PRKD3: variants seen among roughly 807,000 people sequenced by gnomAD.
PRKD3 encodes serine/threonine-protein kinase D3.
PRKD3 carries 47 observed loss-of-function variants against 99.2 expected under a neutral mutation model. The ratio of observed to expected loss-of-function variants is 0.47; its 90% confidence interval spans 0.38 to 0.60. PRKD3 has a LOEUF of 0.60. Among genes scored for constraint, PRKD3 ranks in the 20% least tolerant of loss-of-function variants. The probability of loss-of-function intolerance (pLI) is 0.00; values close to 1 mark genes in which losing one functional copy is unlikely to be tolerated. For synonymous variants in PRKD3, 392 were observed against 355.4 expected, an observed-to-expected ratio of 1.10 and a Z score of -1.16; for missense variants, 1,019 against 1,088.4, an observed-to-expected ratio of 0.94 and a Z score of 0.90.
At chr2:37,262,134 G>C (rs114556968) in intron 14 of PRKD3, among the ~76,000 whole-genome samples, 7 of 152,140 alleles carry the variant, frequency 4.6e-5, no homozygotes, top group Admixed American at 6.6e-5. Flanking sequence ...AAAATGAGGA[G>C]CATCCTGTAC....
intron 1 of PRKD3, among the ~76,000 whole-genome samples, chr2:37,323,638 G>C (rs575629587): frequency 1.3e-5 from 2 of 152,106 alleles, no homozygotes; most frequent in East Asian, 3.9e-4. Context: ...AATGAAAATC[G>C]CTAAAAATGT....
chr2:37,316,664 C>T lies in PRKD3; in HGVS notation c.-140G>A. On this transcript the variant is annotated 5_prime_UTR_variant, in exon 2 of 19. It adds an upstream start codon to the 5' untranslated region. Coordinates refer to ENST00000234179, the MANE Select transcript of PRKD3 (RefSeq NM_005813.6). ...CTTCTTTATTTCCTCTGTTAAGCCA[C>T]TCATGCCGATACTTTTAAGTTTTAT... 6.9e-7 allele frequency: 1 copy of T among 1,446,068 alleles called. No individual in the cohort carries two copies. 89.6% of individuals were successfully genotyped at this position (1,446,068 alleles called of 1,614,324 possible).
intron 2 of PRKD3, among the ~76,000 whole-genome samples, chr2:37,295,252 C>G (rs943932480): frequency 6.6e-6 from 1 of 151,406 alleles, no homozygotes; most frequent in Non-Finnish European, 1.5e-5. Flanking sequence ...GAAATAAACA[C>G]AAATATATAT....
chr2:37,257,066 G>A, intron 16 of PRKD3, 137 bp from the exon 17 acceptor site: 3 of 1,007,554 alleles, frequency 3.0e-6, no homozygotes, highest in Admixed American at 5.0e-5. Flanking sequence ...CACAGATAAG[G>A]AAATTGTAAA....
At chr2:37,257,669 AAG>A (rs1448763325) in intron 16 of PRKD3, among the ~76,000 whole-genome samples, 1,704 of 28,466 alleles carry the variant, frequency 0.06, 112 homozygotes, top group African/African-American at 0.2. Context: ...TCTGTCTCAA[AAG>A]AAAAAAAAAA....
chr2:37,321,285 C>G (rs937020330), intron 1 of PRKD3, among the ~76,000 whole-genome samples: 11 of 152,040 alleles, frequency 7.2e-5, no homozygotes, highest in Non-Finnish European at 1.5e-4. Flanking sequence ...GTCACATATT[C>G]CATTCAAATG....
chr2:37,263,886 T>G (rs1056745271), intron 14 of PRKD3, among the ~76,000 whole-genome samples: 1 of 152,198 alleles, frequency 6.6e-6, no homozygotes, highest in Non-Finnish European at 1.5e-5. Context: ...TCTTATAGCT[T>G]TGGGGTAGCT....
chr2:37,315,010 TA>T (rs1288478034), intron 2 of PRKD3, among the ~76,000 whole-genome samples: 1 of 152,178 alleles, frequency 6.6e-6, no homozygotes. Context: ...GATGGGTAAT[TA>T]TTTACATCAG....
chr2:37,306,714 T>A (rs911225350), intron 2 of PRKD3, among the ~76,000 whole-genome samples: 10 of 151,678 alleles, frequency 6.6e-5, no homozygotes, highest in Admixed American at 6.6e-4. Flanking sequence ...GAGGGTGAGG[T>A]GGGAGGATCA....
chr2:37,282,495 C>T (rs115908358), intron 7 of PRKD3, 47 bp downstream of exon 7: 10 of 1,186,422 alleles, frequency 8.4e-6, no homozygotes, highest in African/African-American at 1.5e-5. Flanking sequence ...ACCAAAGAAT[C>T]ATGGCCTTTT....
intron 2 of PRKD3, 68 bp downstream of exon 2, chr2:37,316,169 A>T: frequency 1.4e-6 from 2 of 1,427,738 alleles, no homozygotes; most frequent in Non-Finnish European, 1.9e-6. Context: ...ACTCACTGGT[A>T]CACGTATAAT....
intron 2 of PRKD3, among the ~76,000 whole-genome samples, chr2:37,300,736 T>TAAAGA (rs1670887487): frequency 6.6e-6 from 1 of 152,210 alleles, no homozygotes; most frequent in Admixed American, 6.5e-5. Flanking sequence ...TCCAATCTCT[T>TAAAGA]GTGAGTATGA....
Position 37,251,868 on chromosome 2 carries a change from T to TA in PRKD3, c.*1308dup, listed in dbSNP as rs961994279. 1.0e-4 allele frequency: 15 copies of TA among 149,668 alleles called. No homozygotes were observed. The highest frequency in any genetic ancestry group is 3.7e-4 in the African/African-American group (15 of 40,430). 9.3% of individuals were successfully genotyped at this position (149,668 alleles called of 1,614,324 possible). A position where few individuals can be genotyped will look rare whatever the true frequency, so the allele number is the denominator to read the frequency against. ...AAAAGTTTTGTTCTTTTACTTTTGT[T>TA]AGAGTGGAGAAGAAAAAAAAAAAGG... On this transcript the variant is annotated 3_prime_UTR_variant, in exon 19 of 19. Transcript: ENST00000234179.
At chr2:37,283,814 CT>C (rs1669967083) in intron 6 of PRKD3, among the ~76,000 whole-genome samples, 4 of 150,790 alleles carry the variant, frequency 2.7e-5, no homozygotes, top group Non-Finnish European at 5.9e-5. Flanking sequence ...TGGCAAAACC[CT>C]GTCTCTACAA....
At chr2:37,293,420 G>T (rs527930487) in intron 2 of PRKD3, 149 bp from the exon 3 acceptor site, 4 of 672,782 alleles carry the variant, frequency 5.9e-6, no homozygotes, top group African/African-American at 1.8e-5. Context: ...GGTGATCCAC[G>T]TACTCAAGCA....
intron 9 of PRKD3, among the ~76,000 whole-genome samples, chr2:37,277,636 C>G (rs370917285): frequency 6.6e-6 from 1 of 152,076 alleles, no homozygotes. Flanking sequence ...ATCCCAGATC[C>G]TTTTTGAATA....
At chr2:37,271,978 G>C (rs1669295607) in intron 12 of PRKD3, among the ~76,000 whole-genome samples, 1 of 152,090 alleles carries the variant, frequency 6.6e-6, no homozygotes, top group South Asian at 2.1e-4. Flanking sequence ...TCATCCTAGT[G>C]CTCCTGTACT....
At chr2:37,292,939 G>T in intron 3 of PRKD3, 194 bp downstream of exon 3, 1 of 501,722 alleles carries the variant, frequency 2.0e-6, no homozygotes, top group Non-Finnish European at 3.2e-6. Flanking sequence ...AGCCACCGTT[G>T]CCAGGTATTT....
At position 37,252,153 on chromosome 2, in the gene PRKD3, AG is replaced by A. The variant is rs1667551478; in HGVS notation, c.*1023del. ...AAAATAATTGACTTTAAAACACTCC[AG>A]ATATCTGCAAAGCCCAATAGGCTAG... On this transcript the variant is annotated 3_prime_UTR_variant, in exon 19 of 19. Transcript: ENST00000234179. 6.6e-6 allele frequency: 1 copy of A among 152,230 alleles called. No individual in the cohort carries two copies. Among genetic ancestry groups the A allele is most frequent in the Non-Finnish European group, 1.5e-5 (1 of 68,054 alleles). The allele number at this position is 152,230 out of a possible 1,614,324, so 9.4% of individuals were successfully genotyped here. A position where few individuals can be genotyped will look rare whatever the true frequency, so the allele number is the denominator to read the frequency against.
Sources: allele counts gnomAD v4.1 joint callset (sites outside exome capture counted in the v4.1 genomes callset), GRCh38; gene constraint gnomAD v4.1.1; transcripts MANE v1.5; gene names NCBI Gene and HGNC (gene_info 2026-07-23, HGNC 2026-07-21).